The following LRRC4C variants were observed in gnomAD, a reference collection of about 807,000 sequenced individuals.
LRRC4C encodes leucine rich repeat containing 4C, also known as leucine-rich repeat-containing protein 4C.
Under a neutral mutation model 33.6 loss-of-function variants are expected in LRRC4C, and 5 were observed. The ratio of observed to expected loss-of-function variants is 0.15; its 90% CI spans 0.08 to 0.31. LRRC4C has a LOEUF of 0.31. LRRC4C is among the 10% of genes least tolerant of loss of function. The pLI is 1.00. For missense variants in LRRC4C, 560 were observed against 796.7 expected, an observed-to-expected ratio of 0.70 and a Z score of 3.58; for synonymous variants, 329 against 302.0, an observed-to-expected ratio of 1.09 and a Z score of -0.93.
chr11:40,705,592 A>C (rs1946123925), intron 2 of LRRC4C, among the ~76,000 whole-genome samples: 1 of 148,378 alleles, frequency 6.7e-6, no homozygotes, highest in African/African-American at 2.4e-5. Context: ...ACATTTTCTT[A>C]ATCCAGTCTA....
At chr11:41,135,712 A>G (rs1943226789) in intron 1 of LRRC4C, among the ~76,000 whole-genome samples, 1 of 152,198 alleles carries the variant, frequency 6.6e-6, no homozygotes, top group Non-Finnish European at 1.5e-5. Context: ...AATAAAAGTG[A>G]CAACACTTAT....
intron 1 of LRRC4C, among the ~76,000 whole-genome samples, chr11:41,040,456 A>G (rs1857365221): frequency 1.3e-5 from 2 of 152,226 alleles, no homozygotes; most frequent in South Asian, 4.1e-4. Context: ...GAGATTTTAC[A>G]TATAGCTAAG....
intron 2 of LRRC4C, among the ~76,000 whole-genome samples, chr11:40,682,492 TTGTC>T (rs1944740225): frequency 6.6e-6 from 1 of 152,014 alleles, no homozygotes; most frequent in Non-Finnish European, 1.5e-5. Flanking sequence ...ATATCTTTGT[TTGTC>T]TGGGTGCAGT....
intron 3 of LRRC4C, among the ~76,000 whole-genome samples, chr11:40,561,888 T>G (rs1049286494): frequency 6.6e-6 from 1 of 152,220 alleles, no homozygotes; most frequent in African/African-American, 2.4e-5. Flanking sequence ...GAGCCGAAAT[T>G]GACAAATAGT....
chr11:40,427,872 A>C (rs868293013), intron 3 of LRRC4C, among the ~76,000 whole-genome samples: 4 of 152,116 alleles, frequency 2.6e-5, no homozygotes, highest in South Asian at 2.1e-4. Context: ...AAAACAAAAC[A>C]AAAACCCACA....
At position 40,360,735 on chromosome 11, in the gene LRRC4C, C is replaced by G. The variant is rs796569796; in HGVS notation, c.-269-41014G>C. Among the ~76,000 whole-genome samples, 4 of 152,184 alleles carry G rather than the reference C, an allele frequency of 2.6e-5. No homozygotes were observed. In the East Asian group the frequency reaches 5.8e-4, roughly 22 times the overall value. ...GAAAATTGAAAAGGAGGGACTCCTC[C>G]CTAACTCATTCTATAAGGCCAGCAT... On this transcript the variant is annotated intron_variant, in intron 3 of 6. Transcript: ENST00000528697.
intron 1 of LRRC4C, among the ~76,000 whole-genome samples, chr11:41,143,667 C>T (rs974280093): frequency 3.3e-5 from 5 of 152,130 alleles, no homozygotes; most frequent in Non-Finnish European, 7.4e-5. Context: ...TACAATAACC[C>T]GGAAAACATT....
intron 1 of LRRC4C, among the ~76,000 whole-genome samples, chr11:41,274,032 G>A (rs1480299272): frequency 6.6e-6 from 1 of 152,090 alleles, no homozygotes; most frequent in East Asian, 1.9e-4. Context: ...TGGGTTCCAG[G>A]GAGGAGATAG....
chr11:40,659,408 C>T (rs1355117476), intron 2 of LRRC4C, among the ~76,000 whole-genome samples: 6 of 152,102 alleles, frequency 3.9e-5, no homozygotes, highest in Non-Finnish European at 8.8e-5. Flanking sequence ...ACCTTCAAGC[C>T]AGGGATGTCC....
At chr11:40,188,046 A>G (rs1185136263) in intron 5 of LRRC4C, among the ~76,000 whole-genome samples, 2 of 152,188 alleles carry the variant, frequency 1.3e-5, no homozygotes, top group African/African-American at 4.8e-5. Flanking sequence ...TAAAATAACT[A>G]ATTAGATGAC....
rs1283937256 is a variant in LRRC4C, at chr11:40,923,851, A to C, written c.-407+9784T>G. On this transcript the variant is annotated intron_variant, in intron 2 of 6. Coordinates refer to ENST00000528697, the MANE Select transcript of LRRC4C (RefSeq NM_001258419.2). ...TGGACAAGCATTTGGTGAAGTTGTC[A>C]CCTCTTTTAAGTTGGGCATTCTTCT... Among the ~76,000 whole-genome samples the C allele has an allele frequency of 2.0e-5, 3 of 152,038 alleles. No individual in the cohort carries two copies. The East Asian group carries it at 5.8e-4, about 29-fold the overall frequency.
At chr11:40,441,833 T>C (rs949166328) in intron 3 of LRRC4C, among the ~76,000 whole-genome samples, 1 of 152,126 alleles carries the variant, frequency 6.6e-6, no homozygotes, top group African/African-American at 2.4e-5. Context: ...TAGATCAAGT[T>C]TCTTTAAAAC....
At chr11:40,791,264 C>G (rs1467897174) in intron 2 of LRRC4C, among the ~76,000 whole-genome samples, 3 of 152,132 alleles carry the variant, frequency 2.0e-5, no homozygotes, top group East Asian at 3.9e-4. Context: ...CAAATAAACT[C>G]TATTGATTTT....
chr11:40,298,487 T>C (rs1944620849), intron 4 of LRRC4C, among the ~76,000 whole-genome samples: 1 of 150,680 alleles, frequency 6.6e-6, no homozygotes, highest in African/African-American at 2.4e-5. Context: ...GCATATTTCT[T>C]GGCAATGGCA....
intron 1 of LRRC4C, among the ~76,000 whole-genome samples, chr11:41,142,493 C>T (rs1943550766): frequency 2.0e-5 from 3 of 152,254 alleles, no homozygotes; most frequent in African/African-American, 4.8e-5. Context: ...TTAGGAACTA[C>T]TGATTTAATG....
chr11:41,062,819 C>T (rs1054087469), intron 1 of LRRC4C, among the ~76,000 whole-genome samples: 2 of 152,078 alleles, frequency 1.3e-5, no homozygotes, highest in Non-Finnish European at 2.9e-5. Context: ...AACAGAGATA[C>T]AGATACACAC....
At chr11:40,874,194 G>T (rs1002997765) in intron 2 of LRRC4C, among the ~76,000 whole-genome samples, 3 of 152,160 alleles carry the variant, frequency 2.0e-5, no homozygotes, top group South Asian at 2.1e-4. Context: ...TTGCACTGGG[G>T]TTTTCTTTTC....
chr11:41,252,959 A>G (rs187880556), intron 1 of LRRC4C, among the ~76,000 whole-genome samples: 1 of 152,174 alleles, frequency 6.6e-6, no homozygotes, highest in African/African-American at 2.4e-5. Flanking sequence ...TGTGGGAATT[A>G]TGGGAGCTAC....
At chr11:41,414,713 G>A (rs1358541451) in intron 1 of LRRC4C, among the ~76,000 whole-genome samples, 1 of 151,940 alleles carries the variant, frequency 6.6e-6, no homozygotes, top group East Asian at 1.9e-4. Flanking sequence ...GGGAGTAAAG[G>A]TTCAATTCTT....
Sources: allele counts gnomAD v4.1 joint callset (sites outside exome capture counted in the v4.1 genomes callset), GRCh38; gene constraint gnomAD v4.1.1; transcripts MANE v1.5; gene names NCBI Gene and HGNC (gene_info 2026-07-23, HGNC 2026-07-21).